The following ABCA6 variants were observed in gnomAD, a reference collection of about 807,000 sequenced individuals.
ABCA6 encodes the protein ATP binding cassette subfamily A member 6, also known as ATP-binding cassette sub-family A member 6.
In ABCA6, 164 loss-of-function variants were observed where a neutral mutation model predicts 191.2. That is an observed-to-expected ratio of 0.86 (90% CI 0.76 to 0.98). ABCA6 has a LOEUF of 0.98. Among genes scored for constraint, ABCA6 ranks in the 50% least tolerant of loss-of-function variants. The probability of loss-of-function intolerance (pLI) is 0.00; values close to 1 mark genes in which losing one functional copy is unlikely to be tolerated. For missense variants in ABCA6, 1,958 were observed against 1,894.1 expected, an observed-to-expected ratio of 1.03 and a Z score of -0.63; for synonymous variants, 636 against 647.7, an observed-to-expected ratio of 0.98 and a Z score of 0.27.
rs749307705 is a variant in ABCA6, at chr17:69,115,336, T to A, written c.1606+40A>T. ...AGGCATATGCTTGACCTCATTCTAT[T>A]ATAAGACATCTTGCCTTTGAGAAAT... On this transcript the variant is annotated intron_variant, in intron 12 of 38. Coordinates refer to ENST00000284425, the MANE Select transcript of ABCA6 (RefSeq NM_080284.3). The A allele has an allele frequency of 1.7e-5, 25 of 1,471,712 alleles. 2 individuals carry two copies. In the South Asian group the frequency reaches 3.0e-4, roughly 18 times the overall value. The allele number at this position is 1,471,712 out of a possible 1,614,324, so 91.2% of individuals were successfully genotyped here.
rs139133153 is a variant in ABCA6 at position 69,112,265 on chromosome 17, C to G, written c.2050G>C (p.Val684Leu). 43 of 1,610,596 alleles carry G rather than the reference C, an allele frequency of 2.7e-5. No homozygotes were observed. The highest frequency in any genetic ancestry group is 3.7e-5 in the Non-Finnish European group (43 of 1,177,584). Residue 684 changes from valine (V) to leucine (L), a missense_variant, in exon 16 of 39, where the codon GTG (valine) becomes CTG (leucine). Val to Leu is a conservative substitution (Grantham distance 32). Transcript: ENST00000284425. The stretch of plus-strand genomic sequence containing the variant: ...TTCAGTCTCCCATTGGACATGATCA[C>G]TTTTCTATCTGAATGAAAGAAATCA... ...DEADILADRK[V>L]IMSNGRLKCA...
intron 36 of ABCA6, 41 bp downstream of exon 36, chr17:69,082,832 T>C (rs755775187): frequency 1.2e-6 from 2 of 1,612,804 alleles, no homozygotes; most frequent in East Asian, 2.2e-5. Context: ...ACTGAGTGGA[T>C]AAACCCTCCA....
At chr17:69,118,130 T>C in intron 10 of ABCA6, 174 bp from the exon 11 acceptor site, 2 of 454,682 alleles carry the variant, frequency 4.4e-6, no homozygotes, top group Non-Finnish European at 7.8e-6. Context: ...TTATTTCCCC[T>C]GAGGTAGAAA....
chr17:69,127,342 T>C (rs1309435422), intron 8 of ABCA6, among the ~76,000 whole-genome samples: 4 of 152,142 alleles, frequency 2.6e-5, no homozygotes, highest in African/African-American at 9.7e-5. Flanking sequence ...CAGTTACCAT[T>C]AAGAGAGGAA....
At chr17:69,081,028 A>G (rs1371732658) in intron 37 of ABCA6, 38 bp downstream of exon 37, 7 of 1,262,156 alleles carry the variant, frequency 5.5e-6, no homozygotes, top group Non-Finnish European at 7.8e-6. Flanking sequence ...GTATTAGTTG[A>G]TTCTTCAAAA....
At chr17:69,080,510 C>T (rs1318392867) in intron 37 of ABCA6, among the ~76,000 whole-genome samples, 1 of 152,042 alleles carries the variant, frequency 6.6e-6, no homozygotes, top group Non-Finnish European at 1.5e-5. Flanking sequence ...ACAATTACAA[C>T]CAGCAAAAGG....
intron 11 of ABCA6, chr17:69,115,740 G>A (rs1238341080): frequency 1.1e-5 from 3 of 276,952 alleles, no homozygotes; most frequent in Admixed American, 5.2e-5. Context: ...GTCTAATATG[G>A]ACCAAAGAAA....
intron 16 of ABCA6, 68 bp from the exon 17 acceptor site, chr17:69,111,008 A>G: frequency 6.9e-7 from 1 of 1,442,696 alleles, no homozygotes; most frequent in African/African-American, 1.4e-5. Flanking sequence ...AAGAGCTTTA[A>G]TTGAACACCT....
In ABCA6 at chr17:69,132,699, C is replaced by T. The variant is rs534023573; in HGVS notation, c.791+942G>A. Among the ~76,000 whole-genome samples, 17 of 152,234 alleles carry T rather than the reference C, an allele frequency of 1.1e-4. No homozygotes were observed. In the East Asian group the frequency reaches 1.7e-3, roughly 16 times the overall value. The stretch of plus-strand genomic sequence containing the variant: ...TTCACCATGTTGGTCATGCTGGTCT[C>T]GAACTCCCGACCTCAGGTGATCCAC... On this transcript the variant is annotated intron_variant, in intron 6 of 38. Transcript: ENST00000284425.
chr17:69,120,033 AT>A (rs2073612459), intron 10 of ABCA6, among the ~76,000 whole-genome samples: 1 of 152,116 alleles, frequency 6.6e-6, no homozygotes, highest in African/African-American at 2.4e-5. Flanking sequence ...GTCTGATACC[AT>A]TTATAGATTA....
At chr17:69,115,153 C>T (rs1250958426) in intron 12 of ABCA6, among the ~76,000 whole-genome samples, 1 of 152,030 alleles carries the variant, frequency 6.6e-6, no homozygotes, top group Non-Finnish European at 1.5e-5. Flanking sequence ...GCTTATAGAA[C>T]TGCACATCTA....
intron 23 of ABCA6, 132 bp downstream of exon 23, chr17:69,097,788 G>T: frequency 1.1e-5 from 7 of 617,358 alleles, no homozygotes; most frequent in South Asian, 3.1e-5. Context: ...CCAAGAATAA[G>T]GTTTAGCTAC....
chr17:69,114,704 T>G (rs1221946960), intron 13 of ABCA6, 58 bp downstream of exon 13: 15 of 1,464,822 alleles, frequency 1.0e-5, no homozygotes, highest in Non-Finnish European at 1.4e-5. Context: ...AATTCTGTGG[T>G]CATGATTTAA....
At chr17:69,123,566 TG>T (rs1292357501) in intron 9 of ABCA6, among the ~76,000 whole-genome samples, 159 bp from the exon 10 acceptor site, 3 of 152,014 alleles carry the variant, frequency 2.0e-5, no homozygotes, top group African/African-American at 7.2e-5. Flanking sequence ...AACTTGATGA[TG>T]AAGTAAACAA....
intron 12 of ABCA6, 96 bp from the exon 13 acceptor site, chr17:69,115,033 T>C: frequency 2.1e-6 from 2 of 951,746 alleles, no homozygotes; most frequent in Non-Finnish European, 3.0e-6. Flanking sequence ...TGTTCACAAA[T>C]GTCTAAAATG....
At chr17:69,140,508 A>G (rs1479852257) in intron 2 of ABCA6, 100 bp downstream of exon 2, 2 of 568,922 alleles carry the variant, frequency 3.5e-6, no homozygotes. Context: ...TAAAATCAAT[A>G]AATCCCATCT....
rs949773131 is a variant in ABCA6 at position 69,084,566 on chromosome 17, A to C, written c.4185-59T>G. The stretch of plus-strand genomic sequence containing the variant: ...GACAAGGTTTTTGGAAAATCCAAGC[A>C]CACAGAACAGTAACAGCATTAGAGG... On this transcript the variant is annotated intron_variant, in intron 32 of 38. Coordinates refer to ENST00000284425, the MANE Select transcript of ABCA6 (RefSeq NM_080284.3). The C allele has an allele frequency of 2.7e-6, 4 of 1,484,182 alleles. No homozygotes were observed. In the South Asian group the frequency reaches 4.5e-5, roughly 17 times the overall value. The allele number at this position is 1,484,182 out of a possible 1,614,324, so 91.9% of individuals were successfully genotyped here. A position where few individuals can be genotyped will look rare whatever the true frequency, so the allele number is the denominator to read the frequency against.
intron 2 of ABCA6, 39 bp downstream of exon 2, chr17:69,140,569 G>A: frequency 1.5e-6 from 2 of 1,323,086 alleles, no homozygotes; most frequent in East Asian, 4.9e-5. Context: ...AACACTGTAA[G>A]AGTGCTAACC....
rs1002879936 is a variant in ABCA6, at chr17:69,079,192, T to A, written c.4752+18A>T. On this transcript the variant is annotated intron_variant, in intron 38 of 38. Transcript: ENST00000284425. ...GTGAAATTTACCAGATGATACAAAG[T>A]CAAACCACTTGACTTACCTTCTCCA... The A allele has an allele frequency of 6.2e-7, 1 of 1,606,068 alleles. No individual in the cohort carries two copies. Among genetic ancestry groups the A allele is most frequent in the African/African-American group, 1.3e-5 (1 of 74,786 alleles).
Sources: gnomAD v4.1 joint callset for allele counts (sites outside exome capture counted in the v4.1 genomes callset) on GRCh38, gnomAD v4.1.1 for gene constraint, MANE v1.5 for transcripts, NCBI Gene and HGNC (gene_info 2026-07-23, HGNC 2026-07-21) for gene names.